Variants in RBM20 observed in about 807,000 individuals in gnomAD.
The protein encoded by RBM20 is RNA binding motif protein 20.
In RBM20, 51 loss-of-function variants were observed where a neutral mutation model predicts 110.1. The ratio of observed to expected loss-of-function variants is 0.46; its 90% CI spans 0.37 to 0.59. The LOEUF (loss-of-function observed/expected upper bound fraction) is 0.59. Among genes scored for constraint, RBM20 ranks in the 20% least tolerant of loss-of-function variants. RBM20 has a pLI of 0.00. For synonymous variants in RBM20, 589 were observed against 618.2 expected (o/e 0.95, Z 0.70); for missense variants, 1,512 against 1,574.9 (o/e 0.96, Z 0.68).
intron 1 of RBM20, among the ~76,000 whole-genome samples, chr10:110,649,990 G>T (rs1439867650): frequency 6.6e-6 from 1 of 152,170 alleles, no homozygotes; most frequent in African/African-American, 2.4e-5. Context: ...ACCACCACGG[G>T]GGTATTGTTG....
At chr10:110,813,424 G>A (rs11195340) in intron 9 of RBM20, among the ~76,000 whole-genome samples, 73,882 of 151,970 alleles carry the variant, frequency 0.49, 18,235 homozygotes, top group Admixed American at 0.6. Context: ...CCTCCTGCCA[G>A]AAGCATTTAC....
At chr10:110,779,625 T>C (rs1357939131) in intron 1 of RBM20, among the ~76,000 whole-genome samples, 1 of 152,138 alleles carries the variant, frequency 6.6e-6, no homozygotes, top group Non-Finnish European at 1.5e-5. Context: ...GACAGTCTTG[T>C]GGGGCTGAGC....
chr10:110,703,691 G>T (rs367907393), intron 1 of RBM20, among the ~76,000 whole-genome samples: 1 of 152,204 alleles, frequency 6.6e-6, no homozygotes, highest in Non-Finnish European at 1.5e-5. Context: ...ATACTAAATA[G>T]TTCCATCACA....
intron 1 of RBM20, among the ~76,000 whole-genome samples, chr10:110,664,496 C>T (rs1214239745): frequency 6.6e-6 from 1 of 152,182 alleles, no homozygotes; most frequent in African/African-American, 2.4e-5. Flanking sequence ...CCTGTAATCC[C>T]AGCACTTTGG....
At chr10:110,696,854 T>G (rs1862671628) in intron 1 of RBM20, among the ~76,000 whole-genome samples, 1 of 152,172 alleles carries the variant, frequency 6.6e-6, no homozygotes, top group Non-Finnish European at 1.5e-5. Context: ...CAACTCTTAC[T>G]TTTACAGCTT....
At chr10:110,665,995 AAGAGAG>A (rs56329688) in intron 1 of RBM20, among the ~76,000 whole-genome samples, 34,729 of 145,424 alleles carry the variant, frequency 0.24, 4,660 homozygotes, top group Middle Eastern at 0.33. Context: ...CAAAGAAAGA[AAGAGAG>A]AGAGAGAGAG....
At chr10:110,747,305 G>GT (rs949203466) in intron 1 of RBM20, among the ~76,000 whole-genome samples, 1 of 150,628 alleles carries the variant, frequency 6.6e-6, no homozygotes, top group African/African-American at 2.4e-5. Flanking sequence ...TTGGGGGGGG[G>GT]GGTCATTCTG....
intron 1 of RBM20, among the ~76,000 whole-genome samples, chr10:110,659,514 G>C (rs142671095): frequency 6.6e-6 from 1 of 152,134 alleles, no homozygotes; most frequent in East Asian, 1.9e-4. Context: ...TCCAGCCAGA[G>C]GCCAGATTGT....
Position 110,838,888 on chromosome 10 carries a change from C to T in RBM20, c.*2910C>T, listed in dbSNP as rs1257930139. 1 of 152,192 alleles carries T rather than the reference C, an allele frequency of 6.6e-6. No homozygotes were observed. The highest frequency in any genetic ancestry group is 1.5e-5 in the Non-Finnish European group (1 of 68,036). 9.4% of individuals were successfully genotyped at this position (152,192 alleles called of 1,614,324 possible). A position where few individuals can be genotyped will look rare whatever the true frequency, so the allele number is the denominator to read the frequency against. On this transcript the variant is annotated 3_prime_UTR_variant, in exon 14 of 14. Coordinates refer to ENST00000369519, the MANE Select transcript of RBM20 (RefSeq NM_001134363.3). Reference sequence around the variant, plus strand: ...TTTTATACAATTCCATTGGCATGGTCCTTCACCGACCCTATGATTTGCACT... The same window carrying T: ...TTTTATACAATTCCATTGGCATGGTTCTTCACCGACCCTATGATTTGCACT...
At chr10:110,711,262 G>A (rs113369823) in intron 1 of RBM20, among the ~76,000 whole-genome samples, 14,944 of 149,146 alleles carry the variant, frequency 0.1, 859 homozygotes, top group South Asian at 0.14. Context: ...CCTGGGAGGC[G>A]GAGGCTGCAG....
At chr10:110,657,560 A>G (rs1420695654) in intron 1 of RBM20, among the ~76,000 whole-genome samples, 2 of 152,156 alleles carry the variant, frequency 1.3e-5, no homozygotes, top group Non-Finnish European at 2.9e-5. Context: ...GTAGGCCCTT[A>G]TCAGGTGTAT....
chr10:110,794,026 C>G (rs1844517424), intron 5 of RBM20, among the ~76,000 whole-genome samples: 1 of 152,194 alleles, frequency 6.6e-6, no homozygotes, highest in South Asian at 2.1e-4. Context: ...ATTGCCGGTG[C>G]CCCTGATGTA....
chr10:110,708,267 G>A (rs1590629088), intron 1 of RBM20, among the ~76,000 whole-genome samples: 1 of 152,176 alleles, frequency 6.6e-6, no homozygotes, highest in East Asian at 1.9e-4. Flanking sequence ...CAAATTATGA[G>A]CTGGTCCTAT....
At position 110,736,815 on chromosome 10, in the gene RBM20, T is replaced by C. The variant is rs552575500; in HGVS notation, c.192-43986T>C. On this transcript the variant is annotated intron_variant, in intron 1 of 13. Coordinates refer to ENST00000369519, the MANE Select transcript of RBM20 (RefSeq NM_001134363.3). ...TGAAACCTGATCCCCAAGATGGTGG[T>C]ATTAAGAGGTGGAGCCTTTGGGAAG... 9.9e-5 allele frequency among the ~76,000 whole-genome samples: 15 copies of C among 152,190 alleles called. No individual in the cohort carries two copies. The South Asian group carries it at 2.9e-3, about 29-fold the overall frequency.
At position 110,823,339 on chromosome 10, in the gene RBM20, CA is replaced by C. The variant is rs1844938518; in HGVS notation, c.3317-140del. 2.7e-6 allele frequency: 3 copies of C among 1,104,278 alleles called. No individual in the cohort carries two copies. In the African/African-American group the frequency reaches 4.7e-5, roughly 17 times the overall value. The allele number at this position is 1,104,278 out of a possible 1,614,324, so 68.4% of individuals were successfully genotyped here. On this transcript the variant is annotated intron_variant, in intron 11 of 13. Coordinates refer to ENST00000369519, the MANE Select transcript of RBM20 (RefSeq NM_001134363.3). ...TGGTTCTAATTAGCAACCATTGCCCCAGCCTTATGTGATTAAGCAGTCCAAG... is the reference window on the plus strand; with the variant it reads ...TGGTTCTAATTAGCAACCATTGCCCCGCCTTATGTGATTAAGCAGTCCAAG...
At position 110,837,027 on chromosome 10, in the gene RBM20, A is replaced by C. The variant is rs1845140300; in HGVS notation, c.*1049A>C. 1 of 152,164 alleles carries C rather than the reference A, an allele frequency of 6.6e-6. No individual in the cohort carries two copies. Among genetic ancestry groups the C allele is most frequent in the Non-Finnish European group, 1.5e-5 (1 of 68,032 alleles). The allele number at this position is 152,164 out of a possible 1,614,324, so 9.4% of individuals were successfully genotyped here. A position where few individuals can be genotyped will look rare whatever the true frequency, so the allele number is the denominator to read the frequency against. On this transcript the variant is annotated 3_prime_UTR_variant, in exon 14 of 14. Transcript: ENST00000369519. ...TCCTTGATTCAGCCTTGGTGCCTGC[A>C]CTCTGGGGTACAACCACCTCACAGT...
chr10:110,720,892 C>A (rs1178423788), intron 1 of RBM20, among the ~76,000 whole-genome samples: 2 of 152,274 alleles, frequency 1.3e-5, no homozygotes, highest in African/African-American at 2.4e-5. Flanking sequence ...TATGGCCTGG[C>A]AGGCCCTCCA....
At chr10:110,810,298 A>G in intron 7 of RBM20, 85 bp from the exon 8 acceptor site, 4 of 970,334 alleles carry the variant, frequency 4.1e-6, no homozygotes, top group Non-Finnish European at 6.5e-6. Context: ...TGGACCAGGC[A>G]ATGAATGACC....
chr10:110,713,114 A>G (rs1862961618), intron 1 of RBM20, among the ~76,000 whole-genome samples: 2 of 152,324 alleles, frequency 1.3e-5, no homozygotes, highest in Admixed American at 6.5e-5. Context: ...TTTTAGTGTG[A>G]GAATCACAGA....
Sources: gnomAD v4.1 joint callset for allele counts (sites outside exome capture counted in the v4.1 genomes callset) on GRCh38, gnomAD v4.1.1 for gene constraint, MANE v1.5 for transcripts, NCBI Gene and HGNC (gene_info 2026-07-23, HGNC 2026-07-21) for gene names.